GPR149: variants seen among roughly 807,000 people sequenced by gnomAD.
GPR149 encodes G protein-coupled receptor 149, also known as probable G protein-coupled receptor 149.
In GPR149, 50 loss-of-function variants were observed where a neutral mutation model predicts 50.2. The observed-to-expected ratio is 1.00, with a 90% CI of 0.79 to 1.26. The LOEUF is 1.26. Ranked by LOEUF, GPR149 falls within the 50% of genes most tolerant of loss-of-function variation. GPR149 has a pLI of 0.00. For synonymous variants in GPR149, 405 were observed against 358.2 expected (o/e 1.13, Z -1.48); for missense variants, 983 against 895.4 (o/e 1.10, Z -1.25).
chr3:154,395,450 GTA>G (rs58944835), intron 3 of GPR149, among the ~76,000 whole-genome samples: 7 of 145,724 alleles, frequency 4.8e-5, no homozygotes, highest in African/African-American at 1.7e-4. Flanking sequence ...ATATATATAA[GTA>G]TATATATATA....
In GPR149 at chr3:154,336,168, T is replaced by C. The variant is rs1031686836; in HGVS notation, c.*1531A>G. On this transcript the variant is annotated 3_prime_UTR_variant, in exon 4 of 4. Transcript: ENST00000389740. ...CAAACATTATTAGTGGTAATACATATGTTTCCCAAATTTAGATAACTAGAT... is the reference window on the plus strand; with the variant it reads ...CAAACATTATTAGTGGTAATACATACGTTTCCCAAATTTAGATAACTAGAT... 6.6e-6 allele frequency: 1 copy of C among 152,090 alleles called. No homozygotes were observed. The highest frequency in any genetic ancestry group is 1.5e-5 in the Non-Finnish European group (1 of 67,930). 9.4% of individuals were successfully genotyped at this position (152,090 alleles called of 1,614,324 possible).
Position 154,359,548 on chromosome 3 carries a change from G to A in GPR149, c.1624-21277C>T, listed in dbSNP as rs568517482. 7.6e-4 allele frequency among the ~76,000 whole-genome samples: 115 copies of A among 152,242 alleles called. 1 individual carries two copies. Among genetic ancestry groups the A allele is most frequent in the Non-Finnish European group, 1.6e-3 (106 of 68,016 alleles). On this transcript the variant is annotated intron_variant, in intron 3 of 3. Coordinates refer to ENST00000389740, the MANE Select transcript of GPR149 (RefSeq NM_001038705.3). Reference sequence around the variant, plus strand: ...CAATCCACCCCAGATGCTTGGCTATGGGCCCACAGAGGTCGTGGTTATTCA... The same window carrying A: ...CAATCCACCCCAGATGCTTGGCTATAGGCCCACAGAGGTCGTGGTTATTCA...
chr3:154,353,389 A>T, intron 3 of GPR149: 1 of 1,305,058 alleles, frequency 7.7e-7, no homozygotes, highest in South Asian at 1.2e-5. Flanking sequence ...TGGTCTTCAG[A>T]TTCAGTTTTG....
Position 154,421,313 on chromosome 3 carries a change from T to C in GPR149, c.1349A>G (p.Asn450Ser), listed in dbSNP as rs770565253. Residue 450 changes from asparagine to serine, a missense_variant, in exon 3 of 4, where the codon AAT becomes AGT. Transcript: ENST00000389740. ...DPQRDNRNIF[N>S]AIKVEISTTP... ...GGTGCTGATTTCTACTTTTATAGCA[T>C]TGAAGATGTTACGGTTGTCTCTCTG... The C allele has an allele frequency of 6.2e-7, 1 of 1,613,472 alleles. No homozygotes were observed. Among genetic ancestry groups the C allele is most frequent in the East Asian group, 2.2e-5 (1 of 44,866 alleles).
intron 3 of GPR149, among the ~76,000 whole-genome samples, chr3:154,351,313 C>CAAAAAAAAAAAAA (rs71155003): frequency 5.3e-5 from 4 of 75,530 alleles, no homozygotes; most frequent in Non-Finnish European, 7.1e-5. Context: ...CATCCACATA[C>CAAAAAAAAAAAAA]AAAAAAAAAA....
chr3:154,340,990 G>C (rs1576895980), intron 3 of GPR149, among the ~76,000 whole-genome samples: 2 of 152,264 alleles, frequency 1.3e-5, no homozygotes, highest in East Asian at 3.9e-4. Context: ...AAAGGGCTGG[G>C]ATTACAGGCG....
chr3:154,350,786 C>G (rs183728691), intron 3 of GPR149, among the ~76,000 whole-genome samples: 20 of 152,192 alleles, frequency 1.3e-4, no homozygotes, highest in African/African-American at 4.8e-4. Flanking sequence ...GGATTGGTTC[C>G]AGGACCTCCT....
intron 3 of GPR149, among the ~76,000 whole-genome samples, chr3:154,376,926 A>T (rs1714805125): frequency 6.6e-6 from 1 of 152,144 alleles, no homozygotes; most frequent in South Asian, 2.1e-4. Context: ...TCATAGAATT[A>T]TTTTGAGAAT....
chr3:154,408,710 G>A (rs978894448), intron 3 of GPR149, among the ~76,000 whole-genome samples: 6 of 152,184 alleles, frequency 3.9e-5, no homozygotes, highest in African/African-American at 1.4e-4. Flanking sequence ...GCTCAGACAT[G>A]CCTATCCCTG....
chr3:154,386,599 A>T (rs1283208811), intron 3 of GPR149, among the ~76,000 whole-genome samples: 1 of 152,184 alleles, frequency 6.6e-6, no homozygotes, highest in Non-Finnish European at 1.5e-5. Flanking sequence ...TTCAAGCAAC[A>T]TGTGTCATCC....
At chr3:154,385,643 A>G (rs1351832405) in intron 3 of GPR149, among the ~76,000 whole-genome samples, 1 of 151,942 alleles carries the variant, frequency 6.6e-6, no homozygotes, top group Non-Finnish European at 1.5e-5. Context: ...TATAAGGGAC[A>G]GTCACACATC....
At chr3:154,371,077 C>G (rs1086055) in intron 3 of GPR149, among the ~76,000 whole-genome samples, 71,709 of 151,958 alleles carry the variant, frequency 0.47, 17,081 homozygotes, top group Admixed American at 0.51. Context: ...AAAGACCCCA[C>G]CACTTTTCCT....
At chr3:154,371,926 A>T (rs903737613) in intron 3 of GPR149, among the ~76,000 whole-genome samples, 2 of 152,160 alleles carry the variant, frequency 1.3e-5, no homozygotes, top group East Asian at 1.9e-4. Flanking sequence ...CAAGGTACAA[A>T]TGGTCTTACA....
rs1360135255 is a variant in GPR149 at position 154,403,479 on chromosome 3, T to A, written c.1623+17560A>T. ...TCATGTTTTGTTAGCTTTAGTTTTG[T>A]TCTGTTCTTTTTTAGTTAGAGGTAG... On this transcript the variant is annotated intron_variant, in intron 3 of 3. Transcript: ENST00000389740. Among the ~76,000 whole-genome samples the A allele has an allele frequency of 2.6e-4, 40 of 152,330 alleles. 1 individual carries two copies. The highest frequency in any genetic ancestry group is 5.4e-4 in the Non-Finnish European group (37 of 68,016).
At chr3:154,367,485 A>G (rs1247726004) in intron 3 of GPR149, among the ~76,000 whole-genome samples, 3 of 152,290 alleles carry the variant, frequency 2.0e-5, no homozygotes, top group African/African-American at 7.2e-5. Flanking sequence ...GCAAGGTCAT[A>G]AAGTAGATAA....
At chr3:154,358,745 T>A (rs1243497295) in intron 3 of GPR149, among the ~76,000 whole-genome samples, 1 of 152,144 alleles carries the variant, frequency 6.6e-6, no homozygotes, top group Non-Finnish European at 1.5e-5. Flanking sequence ...CTTATACACT[T>A]CTAATTTATA....
intron 3 of GPR149, among the ~76,000 whole-genome samples, chr3:154,375,969 C>T (rs1324400737): frequency 1.3e-5 from 2 of 152,240 alleles, no homozygotes; most frequent in African/African-American, 4.8e-5. Flanking sequence ...CTGGAACTCA[C>T]ACCATCAGCT....
At chr3:154,363,264 G>GTAC (rs1298797713) in intron 3 of GPR149, among the ~76,000 whole-genome samples, 5 of 152,052 alleles carry the variant, frequency 3.3e-5, no homozygotes, top group African/African-American at 1.2e-4. Context: ...GGGCTGTGAT[G>GTAC]TGTAGATCAG....
In GPR149 at chr3:154,385,709, T is replaced by C. The variant is rs1437503622; in HGVS notation, c.1623+35330A>G. ...ATTTCTTTCTTTCTTTCTTTCTTTTTTTTTTTTTTTTATAAGGAGTCTTGC... is the reference window on the plus strand; with the variant it reads ...ATTTCTTTCTTTCTTTCTTTCTTTTCTTTTTTTTTTTATAAGGAGTCTTGC... On this transcript the variant is annotated intron_variant, in intron 3 of 3. Coordinates refer to ENST00000389740, the MANE Select transcript of GPR149 (RefSeq NM_001038705.3). Among the ~76,000 whole-genome samples, 39 of 151,360 alleles carry C rather than the reference T, an allele frequency of 2.6e-4. 1 individual carries two copies. The highest frequency in any genetic ancestry group is 1.5e-3 in the South Asian group (7 of 4,790).
Sources: gnomAD v4.1 joint callset for allele counts (sites outside exome capture counted in the v4.1 genomes callset) on GRCh38, gnomAD v4.1.1 for gene constraint, MANE v1.5 for transcripts, NCBI Gene and HGNC (gene_info 2026-07-23, HGNC 2026-07-21) for gene names.